The following PYGL variants were observed in gnomAD, a reference collection of about 807,000 sequenced individuals.
The protein encoded by PYGL is glycogen phosphorylase, liver form.
Under a neutral mutation model 100.1 loss-of-function variants are expected in PYGL, and 90 were observed. The observed-to-expected ratio is 0.90, with a 90% CI of 0.76 to 1.07. The LOEUF is 1.07. Among genes scored for constraint, PYGL ranks in the 50% least tolerant of loss-of-function variants. The pLI is 0.00. For missense variants in PYGL, 1,016 were observed against 1,057.6 expected (o/e 0.96, Z 0.55); for synonymous variants, 373 against 393.0 (o/e 0.95, Z 0.60).
At chr14:50,913,196 C>T in intron 12 of PYGL, 66 bp from the exon 13 acceptor site, 2 of 1,341,928 alleles carry the variant, frequency 1.5e-6, no homozygotes, top group Non-Finnish European at 2.1e-6. Context: ...TGGGCAGTTT[C>T]TGTCAGTATT....
At chr14:50,932,632 C>T (rs1316023252) in intron 3 of PYGL, among the ~76,000 whole-genome samples, 1 of 152,166 alleles carries the variant, frequency 6.6e-6, no homozygotes, top group Non-Finnish European at 1.5e-5. Context: ...TTGATTGAAG[C>T]ATTTTTGCTA....
At position 50,905,446 on chromosome 14, in the gene PYGL, A is replaced by G; in HGVS notation, c.2490T>C (p.Pro830=). ...TGGATAGAGAAATCTTTAGATCTGA[A>G]GGTTCCACGTTCCAGATGTTTTGGG... is the stretch of plus-strand genomic sequence containing the variant. ...EYAQNIWNVE[P]SDLKISLSNE... is the part of the protein sequence containing the mutation. Residue 830 remains proline (P), a synonymous_variant, in exon 20 of 20, where the codon CCT becomes CCC. Transcript: ENST00000216392. 6.2e-7 allele frequency: 1 copy of G among 1,613,858 alleles called. No individual in the cohort carries two copies. The highest frequency in any genetic ancestry group is 8.5e-7 in the Non-Finnish European group (1 of 1,179,742).
At chr14:50,915,178 C>CTT (rs71121612) in intron 11 of PYGL, 158 bp downstream of exon 11, 1,973 of 788,304 alleles carry the variant, frequency 2.5e-3, no homozygotes, top group Middle Eastern at 4.5e-3. Flanking sequence ...CTTTTCTTTT[C>CTT]TTTTTTTTTT....
intron 19 of PYGL, 93 bp downstream of exon 19, chr14:50,908,178 T>C: frequency 7.1e-6 from 7 of 986,048 alleles, no homozygotes; most frequent in Non-Finnish European, 1.1e-5. Flanking sequence ...TGATATTACA[T>C]GGGGATCTGA....
chr14:50,912,078 C>T (rs370950335), intron 14 of PYGL, 42 bp from the exon 15 acceptor site: 47 of 1,612,718 alleles, frequency 2.9e-5, no homozygotes, highest in Middle Eastern at 1.6e-4. Flanking sequence ...AGACAGCTGA[C>T]GGTCAGGGCA....
intron 3 of PYGL, among the ~76,000 whole-genome samples, chr14:50,934,126 T>A (rs1393600997): frequency 6.6e-6 from 1 of 152,228 alleles, no homozygotes; most frequent in Non-Finnish European, 1.5e-5. Context: ...GGAGCTGGTA[T>A]TGTATTTTTA....
At chr14:50,907,976 C>T (rs1215293224) in intron 19 of PYGL, among the ~76,000 whole-genome samples, 1 of 144,912 alleles carries the variant, frequency 6.9e-6, no homozygotes, top group Non-Finnish European at 1.5e-5. Flanking sequence ...GAGTCAGGAT[C>T]ACGCCGCTGC....
At position 50,931,736 on chromosome 14, in the gene PYGL, G is replaced by A; in HGVS notation, c.465C>T (p.Ala155=). 6.2e-7 allele frequency: 1 copy of A among 1,613,904 alleles called. No homozygotes were observed. The highest frequency in any genetic ancestry group is 8.5e-7 in the Non-Finnish European group (1 of 1,179,928). ...ATTCATACCGAATGCCGTATCCATAGGCTGCAAGTCCCAGGGTTGCCATGG... is the reference window on the plus strand; with the variant it reads ...ATTCATACCGAATGCCGTATCCATAAGCTGCAAGTCCCAGGGTTGCCATGG... The part of the protein sequence containing the change: ...LDSMATLGLA[A]YGYGIRYEYG... Residue 155 remains alanine (A), a synonymous_variant, in exon 4 of 20, where the codon GCC becomes GCT. Coordinates refer to ENST00000216392, the MANE Select transcript of PYGL (RefSeq NM_002863.5).
chr14:50,920,577 G>C lies in PYGL; in HGVS notation c.819C>G (p.Ala273=), dbSNP rs1194084235. Residue 273 remains alanine, a synonymous_variant, in exon 7 of 20, where the codon GCC becomes GCG. Transcript: ENST00000216392. ...YIQAVLDRNL[A]ENISRVLYPN... ...GATAGAGGACCCGGGAGATGTTCTC[G>C]GCCAGGTTTCGGTCCAGCACAGCCT... is the stretch of plus-strand genomic sequence containing the variant. 7 of 1,613,372 alleles carry C rather than the reference G, an allele frequency of 4.3e-6. No homozygotes were observed. The highest frequency in any genetic ancestry group is 1.3e-5 in the African/African-American group (1 of 74,876).
At chr14:50,933,121 G>A (rs2050617406) in intron 3 of PYGL, among the ~76,000 whole-genome samples, 2 of 152,174 alleles carry the variant, frequency 1.3e-5, no homozygotes, top group African/African-American at 4.8e-5. Context: ...GACTTCATCA[G>A]TCAACTCAAG....
intron 12 of PYGL, chr14:50,913,448 T>G (rs1304941762): frequency 6.4e-6 from 1 of 157,076 alleles, no homozygotes; most frequent in Non-Finnish European, 1.4e-5. Flanking sequence ...CTCGGCTCAC[T>G]GCAAGCTCCG....
Position 50,921,082 on chromosome 14 carries a change from A to C in PYGL, c.661-15T>G. Reference sequence around the variant, plus strand: ...GCCAGGACCACCTGTGGGATTAAACAGAAGCAGCTGCTCATTGTTTCCCAA... The same window carrying C: ...GCCAGGACCACCTGTGGGATTAAACCGAAGCAGCTGCTCATTGTTTCCCAA... On this transcript the variant is annotated splice_polypyrimidine_tract_variant and intron_variant, in intron 5 of 19. Coordinates refer to ENST00000216392, the MANE Select transcript of PYGL (RefSeq NM_002863.5). The C allele has an allele frequency of 6.3e-7, 1 of 1,579,936 alleles. No homozygotes were observed. Among genetic ancestry groups the C allele is most frequent in the Non-Finnish European group, 8.7e-7 (1 of 1,149,088 alleles).
At chr14:50,943,671 G>T (rs915011849) in intron 1 of PYGL, among the ~76,000 whole-genome samples, 2 of 152,212 alleles carry the variant, frequency 1.3e-5, no homozygotes, top group Non-Finnish European at 2.9e-5. Context: ...TGAGACTTAC[G>T]ACCTTTTCCC....
At chr14:50,912,129 G>A in intron 14 of PYGL, 27 bp downstream of exon 14, 1 of 1,614,204 alleles carries the variant, frequency 6.2e-7, no homozygotes, top group Non-Finnish European at 8.5e-7. Flanking sequence ...CCTGCAAGGG[G>A]GCTTGTTGGC....
rs771432844 is a variant in PYGL, at chr14:50,912,289, C to T, written c.1635G>A (p.Lys545=). ...LAKVKQENKL[K]FSQFLETEYK... ...ACTCCGTCTCCAGGAACTGAGAAAA[C>T]TTCAGCTTATTCTCCTGTTAAGACA... The change falls in exon 14 of 20, where the codon AAG becomes AAA. Residue 545 remains lysine (K), a synonymous_variant. Transcript: ENST00000216392. 2.1e-5 allele frequency: 34 copies of T among 1,614,092 alleles called. No individual in the cohort carries two copies. In the South Asian group the frequency reaches 3.7e-4, roughly 18 times the overall value.
Position 50,928,786 on chromosome 14 carries a change from T to G in PYGL, c.528+2887A>C, listed in dbSNP as rs952158012. On this transcript the variant is annotated intron_variant, in intron 4 of 19. Transcript: ENST00000216392. ...TCCAAATCTGCCTTTGTAAGAACAG[T>G]GTTACGTGTTGAGTGGGGGCATGAC... is the stretch of plus-strand genomic sequence containing the variant. Among the ~76,000 whole-genome samples, 5 of 139,796 alleles carry G rather than the reference T, an allele frequency of 3.6e-5. No homozygotes were observed. In the East Asian group the frequency reaches 8.3e-4, roughly 23 times the overall value. The allele number at this position is 139,796 out of a possible 152,430, so 91.7% of individuals were successfully genotyped here. A position where few individuals can be genotyped will look rare whatever the true frequency, so the allele number is the denominator to read the frequency against.
At chr14:50,935,707 C>T (rs953381351) in intron 2 of PYGL, among the ~76,000 whole-genome samples, 3 of 152,030 alleles carry the variant, frequency 2.0e-5, no homozygotes, top group African/African-American at 7.3e-5. Context: ...TGAAAATGAC[C>T]GAAAGGTCTC....
Position 50,937,651 on chromosome 14 carries a change from A to AT in PYGL, c.345+84dup, listed in dbSNP as rs36014565. The AT allele has an allele frequency of 4.5e-5, 60 of 1,334,924 alleles. No homozygotes were observed. In the African/African-American group the frequency reaches 7.2e-4, roughly 16 times the overall value. The allele number at this position is 1,334,924 out of a possible 1,614,324, so 82.7% of individuals were successfully genotyped here. On this transcript the variant is annotated intron_variant, in intron 2 of 19. Transcript: ENST00000216392. ...CGATTTTTCACTCTTATTTTACTTT[A>AT]TTTTTTTGTGCAATGTCCCCAAGTT...
chr14:50,915,069 C>T (rs1355220997), intron 11 of PYGL: 1 of 618,438 alleles, frequency 1.6e-6, no homozygotes, highest in East Asian at 2.8e-5. Context: ...ATATACTACA[C>T]TTTCAGTAGA....
Sources: gnomAD v4.1 joint callset for allele counts (sites outside exome capture counted in the v4.1 genomes callset) on GRCh38, gnomAD v4.1.1 for gene constraint, MANE v1.5 for transcripts, NCBI Gene and HGNC (gene_info 2026-07-23, HGNC 2026-07-21) for gene names.